The following DBET variants were observed in gnomAD, a reference collection of about 807,000 sequenced individuals.
DBET encodes the protein D4Z4 binding element transcript (non-protein coding).
At chr4:190,065,765 G>C (rs1384391538) in exon 1 of DBET, 6 of 32,424 alleles carry the variant, frequency 1.9e-4, no homozygotes, top group South Asian at 5.7e-4. Flanking sequence ...CCTGCTGCTG[G>C]ATGAGCTCCT....
chr4:190,065,711 C>G, exon 1 of DBET: 1 of 56,554 alleles, frequency 1.8e-5, no homozygotes, highest in Non-Finnish European at 3.3e-5. Flanking sequence ...GGCGCCCTCC[C>G]AGGCGCTCCA....
chr4:190,064,982 A>C (rs1740577283), exon 1 of DBET: 2 of 357,968 alleles, frequency 5.6e-6, no homozygotes, highest in South Asian at 8.1e-5. Flanking sequence ...TCTTATGCTT[A>C]TTCTACTCTG....
exon 1 of DBET, chr4:190,065,148 C>T (rs1553971455): frequency 2.0e-6 from 1 of 488,310 alleles, no homozygotes; most frequent in African/African-American, 2.9e-5. Context: ...CTTCTGGAGA[C>T]CCTTGTCATG....
exon 1 of DBET, chr4:190,064,968 C>T: frequency 3.2e-6 from 1 of 316,798 alleles, no homozygotes; most frequent in East Asian, 4.2e-5. Flanking sequence ...AGGAACATTT[C>T]CTGTCTTATG....
In DBET at chr4:190,064,577, G is replaced by C. The variant is rs1286473779; in HGVS notation, n.76G>C. On this transcript the variant is annotated non_coding_transcript_exon_variant, in exon 1 of 1. Coordinates refer to ENST00000630918, the Ensembl canonical transcript of DBET. Reference sequence around the variant, plus strand: ...TCTTTCTTCTCAGCAGACACAAACTGTCATCTATATGACTCCATCATGTCC... The same window carrying C: ...TCTTTCTTCTCAGCAGACACAAACTCTCATCTATATGACTCCATCATGTCC... 13 of 139,404 alleles carry C rather than the reference G, an allele frequency of 9.3e-5. No individual in the cohort carries two copies. The East Asian group carries it at 1.2e-3, about 12-fold the overall frequency. 8.6% of individuals were successfully genotyped at this position (139,404 alleles called of 1,614,324 possible).
exon 1 of DBET, chr4:190,065,313 C>G: frequency 4.2e-6 from 2 of 472,184 alleles, no homozygotes; most frequent in East Asian, 3.4e-5. Flanking sequence ...CAGGCCGCGC[C>G]GGCAGAGGGG....
At chr4:190,065,022 C>T (rs1346836744) in exon 1 of DBET, 2 of 421,356 alleles carry the variant, frequency 4.7e-6, no homozygotes, top group Non-Finnish European at 8.4e-6. Context: ...CTCTCCCTCC[C>T]AGAATCTTAA....
chr4:190,064,815 A>G lies in DBET; in HGVS notation n.314A>G, dbSNP rs1740570709. On this transcript the variant is annotated non_coding_transcript_exon_variant, in exon 1 of 1. Coordinates refer to ENST00000630918, the Ensembl canonical transcript of DBET. ...CAGACTTCATCAAATTTCTGCACCA[A>G]TGAAAAAAAAATTTACAAGAGAAAA... 3 of 135,712 alleles carry G rather than the reference A, an allele frequency of 2.2e-5. No individual in the cohort carries two copies. In the South Asian group the frequency reaches 6.3e-4, roughly 29 times the overall value. The allele number at this position is 135,712 out of a possible 1,614,324, so 8.4% of individuals were successfully genotyped here. A position where few individuals can be genotyped will look rare whatever the true frequency, so the allele number is the denominator to read the frequency against.
exon 1 of DBET, chr4:190,065,041 C>A: frequency 2.3e-6 from 1 of 433,688 alleles, no homozygotes; most frequent in Non-Finnish European, 4.1e-6. Context: ...AAAGTGCATT[C>A]GAACTCACAG....
chr4:190,064,595 T>A (rs1156265198), exon 1 of DBET: 2 of 139,028 alleles, frequency 1.4e-5, no homozygotes, highest in African/African-American at 6.2e-5. Flanking sequence ...TATGACTCCA[T>A]CATGTCCTTC....
At position 190,064,951 on chromosome 4, in the gene DBET, G is replaced by A. The variant is rs145100566; in HGVS notation, n.450G>A. The A allele has an allele frequency of 4.6e-3, 1,317 of 287,260 alleles. 353 individuals carry two copies. Among genetic ancestry groups the A allele is most frequent in the African/African-American group, 0.035 (1,156 of 33,448 alleles). The allele number at this position is 287,260 out of a possible 1,614,324, so 17.8% of individuals were successfully genotyped here. On this transcript the variant is annotated non_coding_transcript_exon_variant, in exon 1 of 1. Transcript: ENST00000630918. Reference sequence around the variant, plus strand: ...AAAGCCTACTTCTATTTTCCTTGCTGTAACAGAGGAACATTTCCTGTCTTA... The same window carrying A: ...AAAGCCTACTTCTATTTTCCTTGCTATAACAGAGGAACATTTCCTGTCTTA...
exon 1 of DBET, chr4:190,065,108 C>A (rs189709077): frequency 4.3e-6 from 2 of 464,362 alleles, no homozygotes; most frequent in Non-Finnish European, 3.8e-6. Context: ...TTTGGCATTG[C>A]TTTTGGGGAT....
rs573807729 is a variant in DBET at position 190,065,103 on chromosome 4, C to A, written n.602C>A. 6.7e-5 allele frequency: 31 copies of A among 464,016 alleles called. 1 individual carries two copies. The East Asian group carries it at 9.6e-4, about 14-fold the overall frequency. 28.7% of individuals were successfully genotyped at this position (464,016 alleles called of 1,614,324 possible). A position where few individuals can be genotyped will look rare whatever the true frequency, so the allele number is the denominator to read the frequency against. On this transcript the variant is annotated non_coding_transcript_exon_variant, in exon 1 of 1. Coordinates refer to ENST00000630918, the Ensembl canonical transcript of DBET. ...AACATAAATGATCTGACTAGTTTGG[C>A]ATTGCTTTTGGGGATCTGGGAAAAT...
In DBET at chr4:190,065,034, G is replaced by T. The variant is rs1350355816; in HGVS notation, n.533G>T. ...TTTCTCTCCCTCCCAGAATCTTAAA[G>T]TGCATTCGAACTCACAGGCAAAATC... On this transcript the variant is annotated non_coding_transcript_exon_variant, in exon 1 of 1. Transcript: ENST00000630918. 3.3e-5 allele frequency: 14 copies of T among 430,206 alleles called. 3 individuals carry two copies. Among genetic ancestry groups the T allele is most frequent in the African/African-American group, 5.6e-5 (2 of 35,620 alleles). The allele number at this position is 430,206 out of a possible 1,614,324, so 26.6% of individuals were successfully genotyped here. A position where few individuals can be genotyped will look rare whatever the true frequency, so the allele number is the denominator to read the frequency against.
At position 190,064,727 on chromosome 4, in the gene DBET, T is replaced by C. The variant is rs1276023441; in HGVS notation, n.226T>C. The C allele has an allele frequency of 2.3e-4, 30 of 132,598 alleles. 8 individuals are homozygous for C. Among genetic ancestry groups the C allele is most frequent in the African/African-American group, 9.6e-4 (30 of 31,294 alleles). 8.2% of individuals were successfully genotyped at this position (132,598 alleles called of 1,614,324 possible). A position where few individuals can be genotyped will look rare whatever the true frequency, so the allele number is the denominator to read the frequency against. ...GAAGGAGATACTGGGAGTTGGGCATTTTCTCATTAGCCCAGTTACTGTTCT... is the reference window on the plus strand; with the variant it reads ...GAAGGAGATACTGGGAGTTGGGCATCTTCTCATTAGCCCAGTTACTGTTCT... On this transcript the variant is annotated non_coding_transcript_exon_variant, in exon 1 of 1. Transcript: ENST00000630918.
exon 1 of DBET, chr4:190,067,628 A>AC: frequency 6.8e-6 from 1 of 147,340 alleles, no homozygotes; most frequent in South Asian, 3.5e-5. Context: ...CACCACCGCC[A>AC]CCACGCCCTC....
At position 190,065,116 on chromosome 4, in the gene DBET, G is replaced by T. The variant is rs1315556569; in HGVS notation, n.615G>T. 16 of 463,870 alleles carry T rather than the reference G, an allele frequency of 3.4e-5. 3 individuals are homozygous for T. In the Admixed American group the frequency reaches 5.4e-4, roughly 16 times the overall value. 28.7% of individuals were successfully genotyped at this position (463,870 alleles called of 1,614,324 possible). A position where few individuals can be genotyped will look rare whatever the true frequency, so the allele number is the denominator to read the frequency against. ...TGACTAGTTTGGCATTGCTTTTGGG[G>T]ATCTGGGAAAATCTGTGCACACTTC... On this transcript the variant is annotated non_coding_transcript_exon_variant, in exon 1 of 1. Transcript: ENST00000630918.
At chr4:190,064,892 T>C (rs1553971387) in exon 1 of DBET, 1 of 186,232 alleles carries the variant, frequency 5.4e-6, no homozygotes, top group Non-Finnish European at 1.0e-5. Context: ...GAATATACTG[T>C]GGTCATCTCT....
chr4:190,065,192 G>C (rs1428717774), exon 1 of DBET: 47 of 583,766 alleles, frequency 8.1e-5, no homozygotes, highest in South Asian at 7.5e-4. Context: ...CCTCAAGTCA[G>C]AAGTGTGTGA....
Sources: gnomAD v4.1 joint callset for allele counts on GRCh38, gnomAD v4.1.1 for gene constraint, MANE v1.5 for transcripts, NCBI Gene and HGNC (gene_info 2026-07-23, HGNC 2026-07-21) for gene names.